ANKRD11: variants seen among roughly 807,000 people sequenced by gnomAD.
The protein encoded by ANKRD11 is ankyrin repeat domain 11.
Under a neutral mutation model 195.7 loss-of-function variants are expected in ANKRD11, and 17 were observed. That is an observed-to-expected ratio of 0.09 (90% CI 0.06 to 0.13). ANKRD11 has a LOEUF of 0.13. Ranked by LOEUF, ANKRD11 falls within the 10% of genes least tolerant of loss-of-function variation. ANKRD11 has a pLI of 1.00. For missense variants in ANKRD11, 3,735 were observed against 3,566.1 expected (o/e 1.05, Z -1.21); for synonymous variants, 1,953 against 1,528.1 (o/e 1.28, Z -6.49).
At chr16:89,419,185 C>T (rs1393559059) in intron 1 of ANKRD11, among the ~76,000 whole-genome samples, 12 of 152,182 alleles carry the variant, frequency 7.9e-5, no homozygotes. Context: ...TGCATGGTGG[C>T]TCACGCCTGT....
intron 1 of ANKRD11, among the ~76,000 whole-genome samples, chr16:89,442,773 C>T (rs544076276): frequency 2.6e-5 from 4 of 152,182 alleles, no homozygotes; most frequent in Non-Finnish European, 5.9e-5. Context: ...TCCCCGGTGG[C>T]AGGAAGGTGT....
chr16:89,351,630 G>A (rs2039224397), intron 2 of ANKRD11, among the ~76,000 whole-genome samples: 1 of 152,226 alleles, frequency 6.6e-6, no homozygotes, highest in Admixed American at 6.5e-5. Context: ...TGTGGGCACT[G>A]CAGACATAGG....
intron 1 of ANKRD11, chr16:89,489,104 AAATC>A (rs1289428240): frequency 6.6e-6 from 1 of 152,200 alleles, no homozygotes; most frequent in Admixed American, 6.6e-5. Flanking sequence ...GCCTCGAGAA[AAATC>A]AAGACTCCCC....
At chr16:89,329,550 T>C (rs934595596) in intron 2 of ANKRD11, among the ~76,000 whole-genome samples, 4 of 152,158 alleles carry the variant, frequency 2.6e-5, no homozygotes, top group Non-Finnish European at 5.9e-5. Context: ...TTTATGTCAA[T>C]TGTAATTCAA....
At chr16:89,429,063 G>C (rs1297423215) in intron 1 of ANKRD11, among the ~76,000 whole-genome samples, 2 of 152,172 alleles carry the variant, frequency 1.3e-5, no homozygotes, top group African/African-American at 4.8e-5. Context: ...GCTTCTGAGA[G>C]AACAGCAACG....
chr16:89,313,400 G>A (rs1225080147), intron 3 of ANKRD11: 1 of 1,288,562 alleles, frequency 7.8e-7, no homozygotes, highest in Non-Finnish European at 1.0e-6. Context: ...TCCGTGGTCG[G>A]CAATGGTGAG....
At chr16:89,483,621 G>A (rs1002749835) in intron 1 of ANKRD11, among the ~76,000 whole-genome samples, 5 of 152,176 alleles carry the variant, frequency 3.3e-5, no homozygotes, top group Non-Finnish European at 7.3e-5. Flanking sequence ...CTGAGGTCGG[G>A]AGTTTGAGAC....
At chr16:89,421,457 G>T (rs2042504482) in intron 1 of ANKRD11, among the ~76,000 whole-genome samples, 1 of 53,652 alleles carries the variant, frequency 1.9e-5, no homozygotes, top group East Asian at 5.0e-4. Flanking sequence ...GACGGAGTCA[G>T]GGATGGGACC....
At chr16:89,379,880 AAAT>A (rs760144954) in intron 2 of ANKRD11, among the ~76,000 whole-genome samples, 1 of 152,222 alleles carries the variant, frequency 6.6e-6, no homozygotes, top group Non-Finnish European at 1.5e-5. Context: ...GAAAAATAAA[AAAT>A]TTAGAAAGAA....
chr16:89,275,389 C>A (rs1163477217), intron 9 of ANKRD11, among the ~76,000 whole-genome samples, 198 bp from the exon 10 acceptor site: 2 of 152,234 alleles, frequency 1.3e-5, no homozygotes, highest in African/African-American at 4.8e-5. Context: ...AGAGCGGACA[C>A]CTCCACGGTG....
intron 1 of ANKRD11, among the ~76,000 whole-genome samples, chr16:89,489,564 A>G (rs1431962625): frequency 6.6e-6 from 1 of 151,370 alleles, no homozygotes; most frequent in Non-Finnish European, 1.5e-5. Context: ...TCTCATTTCA[A>G]AACAGCGATA....
At chr16:89,396,329 C>T (rs562222181) in intron 2 of ANKRD11, among the ~76,000 whole-genome samples, 6 of 152,228 alleles carry the variant, frequency 3.9e-5, no homozygotes, top group African/African-American at 1.2e-4. Flanking sequence ...GGGTCACCTC[C>T]AGATGTGGAC....
At chr16:89,430,544 T>C (rs1407323728) in intron 1 of ANKRD11, among the ~76,000 whole-genome samples, 1 of 152,014 alleles carries the variant, frequency 6.6e-6, no homozygotes, top group Non-Finnish European at 1.5e-5. Context: ...TCAGACGTTC[T>C]AGTACACAGC....
At chr16:89,354,801 C>T (rs538660251) in intron 2 of ANKRD11, among the ~76,000 whole-genome samples, 25 of 152,222 alleles carry the variant, frequency 1.6e-4, no homozygotes, top group East Asian at 9.7e-4. Flanking sequence ...CAGGAGAAAT[C>T]GCTTGAACCC....
chr16:89,288,003 T>A (rs1299371307), intron 7 of ANKRD11: 3 of 492,632 alleles, frequency 6.1e-6, no homozygotes, highest in Non-Finnish European at 7.1e-6. Flanking sequence ...AGGACGGGGC[T>A]GTCAGGCACA....
Position 89,284,724 on chromosome 16 carries a change from C to T in ANKRD11, c.1818G>A (p.Glu606=), listed in dbSNP as rs755799475. ...CGCTGGACAGGAAGGGGCTCTTCTT[C>T]TCCGACAGGGAGGCTCGCTTCCTGT... ...QEHRKRASLS[E]KKSPFLSSAE... The change falls in exon 9 of 13, where the codon GAG becomes GAA. Residue 606 remains glutamate (E), a synonymous_variant. Coordinates refer to ENST00000301030, the MANE Select transcript of ANKRD11 (RefSeq NM_013275.6). The T allele has an allele frequency of 2.5e-6, 4 of 1,613,836 alleles. No homozygotes were observed. The highest frequency in any genetic ancestry group is 3.4e-6 in the Non-Finnish European group (4 of 1,179,982).
chr16:89,341,244 C>A (rs1040575608), intron 2 of ANKRD11, among the ~76,000 whole-genome samples: 10 of 152,302 alleles, frequency 6.6e-5, no homozygotes, highest in Admixed American at 6.5e-4. Context: ...GGCAAGCAGA[C>A]CCGGTTTGGA....
At position 89,280,599 on chromosome 16, in the gene ANKRD11, C is replaced by T; in HGVS notation, c.5943G>A (p.Leu1981=). 2 of 1,613,468 alleles carry T rather than the reference C, an allele frequency of 1.2e-6. No individual in the cohort carries two copies. Among genetic ancestry groups the T allele is most frequent in the Non-Finnish European group, 1.7e-6 (2 of 1,179,934 alleles). Residue 1981 remains leucine, a synonymous_variant, in exon 9 of 13, where the codon CTG becomes CTA. Transcript: ENST00000301030. ...ACTCGGGGAATCTCTGTGGAGACTT[C>T]AGCAGGAGGTCCGAGCCCACAGGCC... ...VSWPVGSDLL[L]KSPQRFPESP... is the part of the protein sequence containing the mutation.
At chr16:89,315,032 G>A (rs2036862252) in intron 3 of ANKRD11, among the ~76,000 whole-genome samples, 1 of 152,100 alleles carries the variant, frequency 6.6e-6, no homozygotes, top group African/African-American at 2.4e-5. Context: ...TGAGGTCCTG[G>A]GACCCCCACC....
Sources: gnomAD v4.1 joint callset for allele counts (sites outside exome capture counted in the v4.1 genomes callset) on GRCh38, gnomAD v4.1.1 for gene constraint, MANE v1.5 for transcripts, NCBI Gene and HGNC (gene_info 2026-07-23, HGNC 2026-07-21) for gene names.